Variants in EHD3 observed in about 807,000 individuals in gnomAD.
The protein encoded by EHD3 is EH domain containing 3, also known as EH domain-containing protein 3.
A neutral mutation model predicts 43.0 loss-of-function variants in EHD3; 17 were observed. That is an observed-to-expected ratio of 0.40 (90% CI 0.27 to 0.59). The LOEUF is 0.59. Among genes scored for constraint, EHD3 ranks in the 20% least tolerant of loss-of-function variants. EHD3 has a pLI of 0.49. For missense variants in EHD3, 594 were observed against 705.6 expected (o/e 0.84, Z 1.79); for synonymous variants, 313 against 289.5 (o/e 1.08, Z -0.82).
intron 2 of EHD3, among the ~76,000 whole-genome samples, chr2:31,247,952 G>A (rs1048057026): frequency 6.6e-6 from 1 of 152,246 alleles, no homozygotes; most frequent in African/African-American, 2.4e-5. Flanking sequence ...GAAATCGTGA[G>A]GTTCTGAGAT....
intron 3 of EHD3, 48 bp downstream of exon 3, chr2:31,249,516 G>C (rs750142256): frequency 2.6e-6 from 4 of 1,566,628 alleles, no homozygotes; most frequent in Middle Eastern, 1.7e-4. Context: ...CATGGTTCTG[G>C]CACGTTCAGT....
At chr2:31,261,517 TGTG>T (rs1451394627) in intron 4 of EHD3, 29 bp from the exon 5 acceptor site, 1 of 1,612,930 alleles carries the variant, frequency 6.2e-7, no homozygotes, top group African/African-American at 1.3e-5. Flanking sequence ...AGGGTCTTGA[TGTG>T]AAGGCTTCTC....
intron 1 of EHD3, among the ~76,000 whole-genome samples, chr2:31,237,014 G>C (rs1572460010): frequency 6.6e-6 from 1 of 152,124 alleles, no homozygotes; most frequent in South Asian, 2.1e-4. Flanking sequence ...TATCCTCCAT[G>C]TGCAGTAGTT....
rs1365886336 is a variant in EHD3, at chr2:31,234,504, C to G, written c.-118C>G. 2 of 1,214,920 alleles carry G rather than the reference C, an allele frequency of 1.6e-6. No individual in the cohort carries two copies. Among genetic ancestry groups the G allele is most frequent in the African/African-American group, 1.5e-5 (1 of 67,132 alleles). 75.3% of individuals were successfully genotyped at this position (1,214,920 alleles called of 1,614,324 possible). A position where few individuals can be genotyped will look rare whatever the true frequency, so the allele number is the denominator to read the frequency against. ...CCCGGGCCATGGTGCGGCTGAGCCC[C>G]GCGCTTGGGTGAGGCGGCGGCGCGG... On this transcript the variant is annotated 5_prime_UTR_variant, in exon 1 of 6. Transcript: ENST00000322054.
intron 2 of EHD3, among the ~76,000 whole-genome samples, chr2:31,245,772 G>T (rs1324419089): frequency 2.1e-5 from 3 of 141,610 alleles, no homozygotes; most frequent in African/African-American, 8.1e-5. Flanking sequence ...GTAGAGACAG[G>T]GTTTCTCCAT....
chr2:31,255,239 G>A (rs1215284057), intron 3 of EHD3, among the ~76,000 whole-genome samples: 15 of 152,132 alleles, frequency 9.9e-5, no homozygotes, highest in Admixed American at 9.2e-4. Flanking sequence ...AATCTCCCCC[G>A]ACTCACTAGT....
Position 31,266,353 on chromosome 2 carries a change from C to G in EHD3, c.1257C>G (p.His419Gln). The G allele has an allele frequency of 6.2e-7, 1 of 1,614,142 alleles. No individual in the cohort carries two copies. Among genetic ancestry groups the G allele is most frequent in the Non-Finnish European group, 8.5e-7 (1 of 1,180,018 alleles). The change falls in exon 6 of 6, where the codon CAC (histidine) becomes CAG (glutamine). Residue 419 changes from histidine to glutamine, a missense_variant. Coordinates refer to ENST00000322054, the MANE Select transcript of EHD3 (RefSeq NM_014600.3). This position sits in a 1 kb window ranked among gnomAD's most constrained non-coding sequence, Gnocchi z 5.1. ...GCGGAGCGTTCGAGGGCACCCTGCA[C>G]GGCCCCTTTGGGCATGGCTATGGGG... ...VKGGAFEGTL[H>Q]GPFGHGYGEG...
chr2:31,243,460 C>CTTTCTTTCTTTTTT (rs1553402472), intron 1 of EHD3, among the ~76,000 whole-genome samples: 4 of 98,466 alleles, frequency 4.1e-5, no homozygotes, highest in Non-Finnish European at 5.5e-5. Context: ...TTCTTTCTTT[C>CTTTCTTTCTTTTTT]TTTTTTTTTT....
At position 31,260,187 on chromosome 2, in the gene EHD3, CAA is replaced by C. The variant is rs375482054; in HGVS notation, c.503-322_503-321del. Among the ~76,000 whole-genome samples the C allele has an allele frequency of 8.6e-5, 13 of 152,038 alleles. No homozygotes were observed. Among genetic ancestry groups the C allele is most frequent in the African/African-American group, 3.1e-4 (13 of 41,462 alleles). The stretch of plus-strand genomic sequence containing the variant: ...CTACACTCCAGCCTGGGTGAGAGAG[CAA>C]GACTCCGTCTCAAAAAAAAAAGTAA... On this transcript the variant is annotated intron_variant, in intron 3 of 5. Transcript: ENST00000322054. This position sits in a 1 kb window ranked among gnomAD's most constrained non-coding sequence, Gnocchi z 4.6.
At position 31,268,082 on chromosome 2, in the gene EHD3, G is replaced by T. The variant is rs905899950; in HGVS notation, c.*1378G>T. The stretch of plus-strand genomic sequence containing the variant: ...TGGGACCTCATACTATTCTCAGAAG[G>T]CTAACTTGAGAGGTTTGGGGCCTTG... On this transcript the variant is annotated 3_prime_UTR_variant, in exon 6 of 6. Coordinates refer to ENST00000322054, the MANE Select transcript of EHD3 (RefSeq NM_014600.3). The T allele has an allele frequency of 7.2e-5, 11 of 152,620 alleles. No individual in the cohort carries two copies. The highest frequency in any genetic ancestry group is 2.7e-4 in the African/African-American group (11 of 41,428). 9.5% of individuals were successfully genotyped at this position (152,620 alleles called of 1,614,324 possible).
rs775361429 is a variant in EHD3, at chr2:31,234,809, T to C, written c.188T>C (p.Leu63Pro). The change falls in exon 1 of 6, where the codon CTG becomes CCG. Residue 63 changes from leucine to proline, a missense_variant. Coordinates refer to ENST00000322054, the MANE Select transcript of EHD3 (RefSeq NM_014600.3). ...TTCGACAACAAGCCCATGGTTCTGC[T>C]GGTGGGCCAGTACTCCACTGGGAAG... ...ADFDNKPMVL[L>P]VGQYSTGKTT... is the part of the protein sequence containing the mutation. 1.2e-6 allele frequency: 2 copies of C among 1,614,182 alleles called. No individual in the cohort carries two copies. The highest frequency in any genetic ancestry group is 2.2e-5 in the South Asian group (2 of 91,086).
At chr2:31,255,425 T>C (rs1273467829) in intron 3 of EHD3, among the ~76,000 whole-genome samples, 1 of 152,004 alleles carries the variant, frequency 6.6e-6, no homozygotes, top group Non-Finnish European at 1.5e-5. Flanking sequence ...TACCACAGAG[T>C]CCTCATTCAG....
Position 31,266,316 on chromosome 2 carries a change from A to C in EHD3, c.1220A>C (p.Gln407Pro), listed in dbSNP as rs1558653686. 6.2e-7 allele frequency: 1 copy of C among 1,614,210 alleles called. No individual in the cohort carries two copies. The highest frequency in any genetic ancestry group is 2.2e-5 in the East Asian group (1 of 44,878). The change falls in exon 6 of 6, where the codon CAG becomes CCG. Residue 407 changes from glutamine (Q) to proline (P), a missense_variant. Gln to Pro is a moderately conservative substitution (Grantham distance 76). Transcript: ENST00000322054. This position sits in a 1 kb window ranked among gnomAD's most constrained non-coding sequence, Gnocchi z 5.1. The part of the protein sequence containing the change: ...VRQEESQRPI[Q>P]MVKGGAFEGT... ...CAGGAGGAGTCACAGCGGCCCATCC[A>C]GATGGTGAAGGGCGGAGCGTTCGAG...
At chr2:31,245,142 G>A (rs73922291) in intron 2 of EHD3, among the ~76,000 whole-genome samples, 2,035 of 152,300 alleles carry the variant, frequency 0.013, 50 homozygotes, top group African/African-American at 0.047. Flanking sequence ...TAAATACTTT[G>A]AAAATAATTT....
intron 3 of EHD3, among the ~76,000 whole-genome samples, chr2:31,254,927 C>T (rs982983695): frequency 7.9e-5 from 12 of 152,184 alleles, no homozygotes; most frequent in African/African-American, 1.4e-4. Context: ...GCTGGAAACC[C>T]GAAGAAGTAT....
Position 31,259,134 on chromosome 2 carries a change from G to A in EHD3, c.503-1376G>A, listed in dbSNP as rs546529915. On this transcript the variant is annotated intron_variant, in intron 3 of 5. Coordinates refer to ENST00000322054, the MANE Select transcript of EHD3 (RefSeq NM_014600.3). ...CCTTGGAACCCTTGTGCTATGGGGA[G>A]CCAGGATGGTTGGTCACTTTAGTAC... is the stretch of plus-strand genomic sequence containing the variant. Among the ~76,000 whole-genome samples, 21 of 152,292 alleles carry A rather than the reference G, an allele frequency of 1.4e-4. No homozygotes were observed. In the South Asian group the frequency reaches 4.1e-3, roughly 30 times the overall value.
At chr2:31,257,797 C>T (rs111810099) in intron 3 of EHD3, among the ~76,000 whole-genome samples, 5 of 152,302 alleles carry the variant, frequency 3.3e-5, no homozygotes, top group African/African-American at 9.6e-5. Flanking sequence ...CTGGGCAGAG[C>T]AGCCTCTGAA....
In EHD3 at chr2:31,266,633, G is replaced by T. The variant is rs755269658; in HGVS notation, c.1537G>T (p.Glu513Ter). The change falls in exon 6 of 6, where the codon GAG becomes TAG. Residue 513 changes from glutamate (E) to a stop codon, truncating the protein, a stop_gained. Transcript: ENST00000322054. LOFTEE classifies it high-confidence loss of function. This position sits in a 1 kb window ranked among gnomAD's most constrained non-coding sequence, Gnocchi z 5.1. ...LANHLIKVKL[E>*]GHELPNELPA... ...CAACCACCTCATCAAAGTCAAGCTG[G>T]AGGGGCACGAGCTGCCCAACGAGCT... 1.2e-6 allele frequency: 2 copies of T among 1,614,020 alleles called. No homozygotes were observed. Among genetic ancestry groups the T allele is most frequent in the Non-Finnish European group, 1.7e-6 (2 of 1,179,974 alleles).
chr2:31,245,553 A>ATATATATATTTT (rs1446415610), intron 2 of EHD3, among the ~76,000 whole-genome samples: 3 of 35,074 alleles, frequency 8.6e-5, no homozygotes, highest in South Asian at 1.4e-3. Context: ...ATATATATAT[A>ATATATATATTTT]TTTTTTTTTT....
Sources: gnomAD v4.1 joint callset for allele counts (sites outside exome capture counted in the v4.1 genomes callset) on GRCh38, gnomAD v4.1.1 for gene constraint, Gnocchi (gnomAD v3.1) non-coding constraint, MANE v1.5 for transcripts, NCBI Gene and HGNC (gene_info 2026-07-23, HGNC 2026-07-21) for gene names.